Variants in SCFD2 observed in about 807,000 individuals in gnomAD.
The protein encoded by SCFD2 is sec1 family domain-containing protein 2.
Under a neutral mutation model 58.9 loss-of-function variants are expected in SCFD2, and 54 were observed. The observed-to-expected ratio is 0.92, with a 90% confidence interval of 0.74 to 1.15. The LOEUF is 1.15. Ranked by LOEUF, SCFD2 falls within the 50% of genes most tolerant of loss-of-function variation. SCFD2 has a pLI of 0.00. For synonymous variants in SCFD2, 321 were observed against 335.9 expected, an observed-to-expected ratio of 0.96 and a Z score of 0.49; for missense variants, 805 against 836.6, an observed-to-expected ratio of 0.96 and a Z score of 0.47.
chr4:53,031,096 C>T (rs1013082913), intron 5 of SCFD2, among the ~76,000 whole-genome samples: 4 of 152,164 alleles, frequency 2.6e-5, no homozygotes, highest in African/African-American at 9.7e-5. Flanking sequence ...AGTCAGCAAT[C>T]TTTGCTGTTC....
chr4:53,305,085 G>C (rs925516357), intron 3 of SCFD2, among the ~76,000 whole-genome samples: 11 of 151,890 alleles, frequency 7.2e-5, no homozygotes, highest in African/African-American at 9.7e-5. Flanking sequence ...CTCTGCTGCA[G>C]GTCTGCTTAA....
At chr4:52,883,753 T>A (rs1213696004) in intron 8 of SCFD2, among the ~76,000 whole-genome samples, 2 of 152,186 alleles carry the variant, frequency 1.3e-5, no homozygotes, top group Non-Finnish European at 1.5e-5. Flanking sequence ...AAAAAGGCAA[T>A]CATTCATTAA....
At chr4:52,880,192 T>C (rs1334211324) in intron 8 of SCFD2, among the ~76,000 whole-genome samples, 1 of 152,188 alleles carries the variant, frequency 6.6e-6, no homozygotes, top group African/African-American at 2.4e-5. Context: ...CGCTGTTGTC[T>C]CCCTGGGGCT....
chr4:53,247,864 T>A (rs1730154820), intron 4 of SCFD2, among the ~76,000 whole-genome samples: 2 of 56,102 alleles, frequency 3.6e-5, no homozygotes, highest in Non-Finnish European at 6.1e-5. Flanking sequence ...CGAGACTCCG[T>A]CTCAAAAAAA....
chr4:52,920,154 T>C (rs1035889173), intron 6 of SCFD2, among the ~76,000 whole-genome samples: 7 of 152,048 alleles, frequency 4.6e-5, no homozygotes, highest in Admixed American at 2.6e-4. Flanking sequence ...CCCCTCTGAG[T>C]TTTTACACAG....
At chr4:53,268,913 A>C (rs77786048) in intron 4 of SCFD2, among the ~76,000 whole-genome samples, 2,768 of 152,270 alleles carry the variant, frequency 0.018, 91 homozygotes, top group African/African-American at 0.063. Flanking sequence ...GGGGATGATA[A>C]AGTAATTAAA....
intron 8 of SCFD2, among the ~76,000 whole-genome samples, chr4:52,876,228 C>A (rs1718470835): frequency 6.6e-6 from 1 of 152,054 alleles, no homozygotes; most frequent in African/African-American, 2.4e-5. Context: ...AAGCTTGAGG[C>A]AGTATGGCAA....
At chr4:53,238,703 T>C (rs1407185852) in intron 4 of SCFD2, among the ~76,000 whole-genome samples, 2 of 131,252 alleles carry the variant, frequency 1.5e-5, no homozygotes, top group Middle Eastern at 6.3e-3. Flanking sequence ...CGGGCAGAGG[T>C]GCTCCTCACA....
At chr4:53,013,683 A>G (rs1407952948) in intron 5 of SCFD2, among the ~76,000 whole-genome samples, 2 of 152,218 alleles carry the variant, frequency 1.3e-5, no homozygotes, top group Non-Finnish European at 2.9e-5. Context: ...GGCTTCTGAG[A>G]ATAACTTTTG....
At chr4:53,246,602 C>T (rs747867802) in intron 4 of SCFD2, among the ~76,000 whole-genome samples, 60 of 152,264 alleles carry the variant, frequency 3.9e-4, no homozygotes, top group Middle Eastern at 3.4e-3. Flanking sequence ...GGGGAAAGAA[C>T]TCCCTATTCA....
chr4:53,262,680 A>G (rs1424886360), intron 4 of SCFD2, among the ~76,000 whole-genome samples: 1 of 152,190 alleles, frequency 6.6e-6, no homozygotes, highest in Non-Finnish European at 1.5e-5. Flanking sequence ...CACAGCTCTC[A>G]AGATTCTTTC....
intron 5 of SCFD2, among the ~76,000 whole-genome samples, chr4:53,005,955 G>A (rs958101385): frequency 1.1e-4 from 16 of 152,130 alleles, no homozygotes; most frequent in African/African-American, 3.6e-4. Context: ...CACACTCCAG[G>A]AGAAAAGAGG....
At chr4:53,136,476 A>T (rs1165356015) in intron 5 of SCFD2, among the ~76,000 whole-genome samples, 1 of 152,206 alleles carries the variant, frequency 6.6e-6, no homozygotes, top group Non-Finnish European at 1.5e-5. Flanking sequence ...CAAAAAGTAT[A>T]CTTTGATGGA....
At chr4:52,963,051 C>T (rs976047648) in intron 5 of SCFD2, among the ~76,000 whole-genome samples, 1 of 152,154 alleles carries the variant, frequency 6.6e-6, no homozygotes, top group African/African-American at 2.4e-5. Flanking sequence ...ATTTCTCCTC[C>T]CCCAGCGCAA....
Position 53,112,922 on chromosome 4 carries a change from C to T in SCFD2, c.1561+32411G>A, listed in dbSNP as rs371201583. 1.6e-4 allele frequency among the ~76,000 whole-genome samples: 24 copies of T among 152,162 alleles called. No homozygotes were observed. In the East Asian group the frequency reaches 4.3e-3, roughly 27 times the overall value. Reference sequence around the variant, plus strand: ...CCCTATTCCCACCATCATCTATTCTCCACACTAGCCATAGGATCCCAGATA... The same window carrying T: ...CCCTATTCCCACCATCATCTATTCTTCACACTAGCCATAGGATCCCAGATA... On this transcript the variant is annotated intron_variant, in intron 5 of 8. Transcript: ENST00000401642.
chr4:53,182,665 A>G (rs1727608943), intron 4 of SCFD2, among the ~76,000 whole-genome samples: 1 of 152,262 alleles, frequency 6.6e-6, no homozygotes, highest in Admixed American at 6.5e-5. Flanking sequence ...GATCTCATTA[A>G]ACTAAAGAGC....
chr4:52,953,774 G>A (rs1162320157), intron 5 of SCFD2, among the ~76,000 whole-genome samples: 3 of 152,170 alleles, frequency 2.0e-5, no homozygotes, highest in Non-Finnish European at 2.9e-5. Context: ...CTTCATCCAA[G>A]CCAACAACAA....
chr4:53,218,024 T>C (rs954571515), intron 4 of SCFD2, among the ~76,000 whole-genome samples: 1 of 152,238 alleles, frequency 6.6e-6, no homozygotes, highest in Non-Finnish European at 1.5e-5. Context: ...TGTTACTCTG[T>C]TGGGCTTCCC....
At chr4:53,101,503 C>T (rs1724831805) in intron 5 of SCFD2, among the ~76,000 whole-genome samples, 1 of 152,148 alleles carries the variant, frequency 6.6e-6, no homozygotes, top group Non-Finnish European at 1.5e-5. Context: ...ATCTCTGATG[C>T]ATAACACACA....
Sources: gnomAD v4.1 joint callset for allele counts (sites outside exome capture counted in the v4.1 genomes callset) on GRCh38, gnomAD v4.1.1 for gene constraint, MANE v1.5 for transcripts, NCBI Gene and HGNC (gene_info 2026-07-23, HGNC 2026-07-21) for gene names.